IGF2BP2: variants seen among roughly 807,000 people sequenced by gnomAD.
IGF2BP2 encodes insulin-like growth factor 2 mRNA-binding protein 2.
In IGF2BP2, 17 loss-of-function variants were observed where a neutral mutation model predicts 75.8. The observed-to-expected ratio is 0.22, with a 90% CI of 0.15 to 0.34. The LOEUF (loss-of-function observed/expected upper bound fraction) is 0.34. Among genes scored for constraint, IGF2BP2 ranks in the 10% least tolerant of loss-of-function variants. IGF2BP2 has a pLI of 1.00. For synonymous variants in IGF2BP2, 288 were observed against 295.6 expected (o/e 0.97, Z 0.26); for missense variants, 516 against 772.4 (o/e 0.67, Z 3.93).
At chr3:185,713,778 G>A (rs1435081532) in intron 2 of IGF2BP2, among the ~76,000 whole-genome samples, 1 of 152,178 alleles carries the variant, frequency 6.6e-6, no homozygotes, top group Non-Finnish European at 1.5e-5. Flanking sequence ...TCAGCTCACT[G>A]AAACCTCCAC....
intron 10 of IGF2BP2, among the ~76,000 whole-genome samples, chr3:185,670,453 T>C (rs1243224001): frequency 6.6e-6 from 1 of 152,208 alleles, no homozygotes; most frequent in Non-Finnish European, 1.5e-5. Context: ...AATATGTATA[T>C]AAACAGCCAT....
intron 2 of IGF2BP2, among the ~76,000 whole-genome samples, chr3:185,814,501 G>A (rs1450681187): frequency 6.6e-6 from 1 of 152,090 alleles, no homozygotes; most frequent in Admixed American, 6.5e-5. Flanking sequence ...TTGGTATGAG[G>A]TTAACCTGTC....
intron 2 of IGF2BP2, among the ~76,000 whole-genome samples, chr3:185,809,514 C>T (rs1739514150): frequency 6.6e-6 from 1 of 152,136 alleles, no homozygotes; most frequent in East Asian, 1.9e-4. Context: ...CCTGTAGTCC[C>T]AGCGACTCAG....
intron 2 of IGF2BP2, among the ~76,000 whole-genome samples, chr3:185,763,943 G>C (rs1560432090): frequency 6.6e-6 from 1 of 152,154 alleles, no homozygotes; most frequent in Admixed American, 6.5e-5. Flanking sequence ...TTTGGTGACA[G>C]TGGGTAACTC....
intron 3 of IGF2BP2, among the ~76,000 whole-genome samples, chr3:185,697,412 C>CGT (rs1209503476): frequency 7.2e-6 from 1 of 138,470 alleles, no homozygotes; most frequent in East Asian, 2.6e-4. Context: ...AGGCAATAAT[C>CGT]GTGTGTTTTT....
intron 1 of IGF2BP2, among the ~76,000 whole-genome samples, chr3:185,823,906 C>T (rs544152068): frequency 6.6e-5 from 10 of 151,896 alleles, no homozygotes; most frequent in Non-Finnish European, 1.2e-4. Flanking sequence ...GTCTGGGCTC[C>T]AGCGCGCTCG....
intron 2 of IGF2BP2, among the ~76,000 whole-genome samples, chr3:185,710,561 C>T (rs528106526): frequency 4.9e-4 from 74 of 152,134 alleles, no homozygotes; most frequent in Admixed American, 1.4e-3. Context: ...GGTGAAACCC[C>T]GTCTCTACTA....
At chr3:185,663,387 C>T (rs1286090266) in intron 10 of IGF2BP2, among the ~76,000 whole-genome samples, 1 of 152,248 alleles carries the variant, frequency 6.6e-6, no homozygotes. Flanking sequence ...TAATTGTTAT[C>T]CACAGGCTTG....
At chr3:185,688,466 CAG>C (rs1244715006) in intron 6 of IGF2BP2, among the ~76,000 whole-genome samples, 3 of 152,188 alleles carry the variant, frequency 2.0e-5, no homozygotes, top group Non-Finnish European at 2.9e-5. Context: ...CCTCAGCCTC[CAG>C]AGTAGCTGGG....
chr3:185,657,243 G>A, intron 12 of IGF2BP2, 43 bp downstream of exon 12: 1 of 1,343,002 alleles, frequency 7.4e-7, no homozygotes, highest in African/African-American at 1.4e-5. Flanking sequence ...TGGGATGAGA[G>A]GAGGTGGTAG....
chr3:185,716,234 T>G (rs910394134), intron 2 of IGF2BP2, among the ~76,000 whole-genome samples: 1 of 152,128 alleles, frequency 6.6e-6, no homozygotes, highest in Non-Finnish European at 1.5e-5. Flanking sequence ...AAAGTAATGC[T>G]CTTAGAAAAG....
In IGF2BP2 at chr3:185,659,806, T is replaced by G. The variant is rs75192217; in HGVS notation, c.1201-1397A>C. On this transcript the variant is annotated intron_variant, in intron 10 of 15. Transcript: ENST00000382199. ...GAACTATGTCTGATTTGATACTTTT[T>G]TTTTTTTGAGATGGTGTTTCACTCG... is the stretch of plus-strand genomic sequence containing the variant. Among the ~76,000 whole-genome samples, 497 of 152,122 alleles carry G rather than the reference T, an allele frequency of 3.3e-3. 2 individuals are homozygous for G. The highest frequency in any genetic ancestry group is 0.012 in the African/African-American group (479 of 41,498).
intron 12 of IGF2BP2, among the ~76,000 whole-genome samples, chr3:185,655,129 T>C (rs1348702105): frequency 6.6e-6 from 1 of 152,132 alleles, no homozygotes; most frequent in Non-Finnish European, 1.5e-5. Flanking sequence ...ACCAGATTGA[T>C]TTTTTTACTT....
At position 185,758,571 on chromosome 3, in the gene IGF2BP2, G is replaced by A. The variant is rs1281209228; in HGVS notation, c.240-60224C>T. On this transcript the variant is annotated intron_variant, in intron 2 of 15. Coordinates refer to ENST00000382199, the MANE Select transcript of IGF2BP2 (RefSeq NM_006548.6). The stretch of plus-strand genomic sequence containing the variant: ...TGGTAAGCTGTTGCTATTGCTGAAG[G>A]AGAAGGTAAACAGGCAGTAGTGATA... 2.0e-5 allele frequency among the ~76,000 whole-genome samples: 3 copies of A among 152,348 alleles called. No individual in the cohort carries two copies. In the East Asian group the frequency reaches 5.8e-4, roughly 29 times the overall value.
chr3:185,720,393 G>A (rs900476575), intron 2 of IGF2BP2, among the ~76,000 whole-genome samples: 22 of 152,178 alleles, frequency 1.4e-4, no homozygotes, highest in African/African-American at 5.3e-4. Context: ...TGCCCAGGCT[G>A]GAGTGTAATG....
chr3:185,653,584 G>T (rs1009055935), intron 12 of IGF2BP2, among the ~76,000 whole-genome samples: 1 of 151,880 alleles, frequency 6.6e-6, no homozygotes, highest in Admixed American at 6.6e-5. Flanking sequence ...TCAAACCACT[G>T]CCTGGGTGAC....
intron 11 of IGF2BP2, among the ~76,000 whole-genome samples, chr3:185,658,097 C>T (rs1211040713): frequency 3.3e-5 from 5 of 152,174 alleles, no homozygotes; most frequent in Non-Finnish European, 5.9e-5. Flanking sequence ...GCAGTTCCTG[C>T]GACCTGTGAG....
At chr3:185,785,102 A>G (rs983984968) in intron 2 of IGF2BP2, among the ~76,000 whole-genome samples, 1 of 152,046 alleles carries the variant, frequency 6.6e-6, no homozygotes, top group Non-Finnish European at 1.5e-5. Flanking sequence ...GGAGTTCCAG[A>G]CCAGCCTGTC....
At chr3:185,793,884 G>A (rs1263359516) in intron 2 of IGF2BP2, among the ~76,000 whole-genome samples, 1 of 151,886 alleles carries the variant, frequency 6.6e-6, no homozygotes, top group African/African-American at 2.4e-5. Context: ...AGTAAGGTAG[G>A]ATGGACAGTA....
Sources: allele counts gnomAD v4.1 joint callset (sites outside exome capture counted in the v4.1 genomes callset), GRCh38; gene constraint gnomAD v4.1.1; transcripts MANE v1.5; gene names NCBI Gene and HGNC (gene_info 2026-07-23, HGNC 2026-07-21).